The following PCDHGA4 variants were observed in gnomAD, a reference collection of about 807,000 sequenced individuals.
PCDHGA4 encodes the protein protocadherin gamma subfamily A, 4.
Under a neutral mutation model 54.6 loss-of-function variants are expected in PCDHGA4, and 38 were observed. The observed-to-expected ratio is 0.70, with a 90% CI of 0.54 to 0.91. The LOEUF is 0.91. Among genes scored for constraint, PCDHGA4 ranks in the 40% least tolerant of loss-of-function variants. The probability of loss-of-function intolerance (pLI) is 0.00; values close to 1 mark genes in which losing one functional copy is unlikely to be tolerated. For synonymous variants in PCDHGA4, 511 were observed against 512.9 expected (o/e 1.00, Z 0.05); for missense variants, 1,298 against 1,220.9 (o/e 1.06, Z -0.94).
intron 2 of PCDHGA4, among the ~76,000 whole-genome samples, chr5:141,501,719 T>C (rs1024307894): frequency 6.6e-6 from 1 of 152,028 alleles, no homozygotes; most frequent in African/African-American, 2.4e-5. Context: ...AAAAGACAAA[T>C]ATATTACCCA....
At position 141,356,297 on chromosome 5, in the gene PCDHGA4, T is replaced by C; in HGVS notation, c.1190T>C (p.Ile397Thr). Residue 397 changes from isoleucine (I) to threonine (T), a missense_variant, in exon 1 of 4, where the codon ATT (isoleucine) becomes ACT (threonine). Transcript: ENST00000571252. ...GAATCTTCTTCCCCGGGTACAGTAA[T>C]TGCACTTTTCAACGTGCATGACAGT... ...VQESSSPGTVIALFNVHDSDS... is the reference protein window; with the variant it reads ...VQESSSPGTVTALFNVHDSDS... 6.4e-7 allele frequency: 1 copy of C among 1,554,974 alleles called. No individual in the cohort carries two copies. Among genetic ancestry groups the C allele is most frequent in the African/African-American group, 1.4e-5 (1 of 73,288 alleles).
chr5:141,424,956 T>C (rs1435882776), intron 1 of PCDHGA4, among the ~76,000 whole-genome samples: 3 of 152,176 alleles, frequency 2.0e-5, no homozygotes, highest in African/African-American at 7.2e-5. Context: ...TTCTAGGTAT[T>C]TGCCCCAAAT....
At chr5:141,467,924 G>A (rs2099154404) in intron 1 of PCDHGA4, among the ~76,000 whole-genome samples, 1 of 152,042 alleles carries the variant, frequency 6.6e-6, no homozygotes, top group Non-Finnish European at 1.5e-5. Context: ...CTCCCAAAAT[G>A]CTAGGATTAC....
At chr5:141,399,147 C>T (rs2093760764) in intron 1 of PCDHGA4, 1 of 1,613,664 alleles carries the variant, frequency 6.2e-7, no homozygotes. Flanking sequence ...ATGACAATAG[C>T]CCAGAAGTTA....
At chr5:141,395,092 C>CT (rs2093168204) in intron 1 of PCDHGA4, 4 of 1,614,088 alleles carry the variant, frequency 2.5e-6, no homozygotes, top group Non-Finnish European at 3.4e-6. Context: ...GTCTCCCTCA[C>CT]CGCCGACTCG....
At chr5:141,459,137 G>C (rs1336232891) in intron 1 of PCDHGA4, among the ~76,000 whole-genome samples, 1 of 152,190 alleles carries the variant, frequency 6.6e-6, no homozygotes, top group Non-Finnish European at 1.5e-5. Context: ...TAACCACCAT[G>C]CAATCAAAAT....
intron 1 of PCDHGA4, chr5:141,427,307 T>C (rs745903769): frequency 4.4e-6 from 2 of 456,906 alleles, no homozygotes; most frequent in South Asian, 1.5e-5. Flanking sequence ...AGAATGACAA[T>C]GCCCCAGACG....
At chr5:141,374,990 A>G in intron 1 of PCDHGA4, 3 of 1,614,046 alleles carry the variant, frequency 1.9e-6, no homozygotes, top group Non-Finnish European at 2.5e-6. Context: ...AGAAATTTCA[A>G]CTTCTGCAAA....
Position 141,356,507 on chromosome 5 carries a change from C to A in PCDHGA4, c.1400C>A (p.Thr467Asn). The change falls in exon 1 of 4, where the codon ACT becomes AAT. Residue 467 changes from threonine (T) to asparagine (N), a missense_variant. By Grantham distance (65) the Thr-to-Asn change is moderately conservative. Transcript: ENST00000571252. Reference protein sequence around the residue: ...DQGTPPLSTETHISLQVMDIN... With the variant: ...DQGTPPLSTENHISLQVMDIN... ...GGAACTCCTCCACTGTCTACAGAAA[C>A]TCATATTTCACTGCAAGTGATGGAC... The A allele has an allele frequency of 6.2e-7, 1 of 1,614,020 alleles. No individual in the cohort carries two copies. Among genetic ancestry groups the A allele is most frequent in the Non-Finnish European group, 8.5e-7 (1 of 1,179,908 alleles).
intron 1 of PCDHGA4, chr5:141,412,207 C>T (rs529672287): frequency 1.1e-3 from 173 of 152,330 alleles, no homozygotes; most frequent in African/African-American, 4.1e-3. Flanking sequence ...GGTCATTTGA[C>T]ATAAACACTT....
At chr5:141,385,355 G>A in intron 1 of PCDHGA4, 1 of 1,548,228 alleles carries the variant, frequency 6.5e-7, no homozygotes, top group Non-Finnish European at 8.7e-7. Flanking sequence ...TTTCCATGAG[G>A]AATTTATTTG....
chr5:141,392,768 T>C lies in PCDHGA4; in HGVS notation c.2514+35147T>C, dbSNP rs754714050. The C allele has an allele frequency of 1.9e-5, 29 of 1,507,388 alleles. No homozygotes were observed. In the Middle Eastern group the frequency reaches 7.0e-4, roughly 37 times the overall value. 93.4% of individuals were successfully genotyped at this position (1,507,388 alleles called of 1,614,324 possible). On this transcript the variant is annotated intron_variant, in intron 1 of 3. Coordinates refer to ENST00000571252, the MANE Select transcript of PCDHGA4 (RefSeq NM_018917.4). ...GCGGCAAGAAACTAAATAAGACCCA[T>C]TTATGCACAGTGAAGATTCTGAGAG...
intron 1 of PCDHGA4, chr5:141,395,233 G>T: frequency 6.2e-7 from 1 of 1,602,052 alleles, no homozygotes; most frequent in Non-Finnish European, 8.5e-7. Context: ...GCTGATCATG[G>T]TCAGGTGAGT....
chr5:141,419,322 C>T lies in PCDHGA4; in HGVS notation c.2514+61701C>T, dbSNP rs370480327. The stretch of plus-strand genomic sequence containing the variant: ...GACTTCGGGCTCAACGGCCGTGTCT[C>T]CTACTCTCTCATTGCCAGCGACCTG... On this transcript the variant is annotated intron_variant, in intron 1 of 3. Transcript: ENST00000571252. 164 of 1,613,852 alleles carry T rather than the reference C, an allele frequency of 1.0e-4. No individual in the cohort carries two copies. Among genetic ancestry groups the T allele is most frequent in the Non-Finnish European group, 1.3e-4 (153 of 1,179,898 alleles).
intron 1 of PCDHGA4, among the ~76,000 whole-genome samples, chr5:141,454,032 C>T (rs2098780173): frequency 6.6e-6 from 1 of 152,126 alleles, no homozygotes; most frequent in Non-Finnish European, 1.5e-5. Flanking sequence ...AAGAATTGGC[C>T]AGCAAAGATA....
intron 1 of PCDHGA4, chr5:141,370,468 T>C: frequency 6.2e-7 from 1 of 1,613,240 alleles, no homozygotes. Context: ...CTCTCTTTGT[T>C]AGACCAGGCT....
Position 141,405,365 on chromosome 5 carries a change from C to T in PCDHGA4, c.2514+47744C>T, listed in dbSNP as rs773382376. 2.5e-6 allele frequency: 4 copies of T among 1,613,614 alleles called. No homozygotes were observed. The Admixed American group carries it at 5.0e-5, about 20-fold the overall frequency. On this transcript the variant is annotated intron_variant, in intron 1 of 3. Transcript: ENST00000571252. ...TTCCAAGTTTCCTATAGAAGACACC[C>T]CTTTGGTTCCGGTGAGTTCATTTTT...
intron 1 of PCDHGA4, chr5:141,405,445 A>G: frequency 7.3e-7 from 1 of 1,360,898 alleles, no homozygotes; most frequent in Non-Finnish European, 1.0e-6. Context: ...TTTGAGACAG[A>G]GTCTTACTCT....
At chr5:141,452,538 G>T (rs1330051133) in intron 1 of PCDHGA4, among the ~76,000 whole-genome samples, 1 of 152,148 alleles carries the variant, frequency 6.6e-6, no homozygotes, top group Non-Finnish European at 1.5e-5. Flanking sequence ...AGTTCATATT[G>T]ATACCTCCAG....
Sources: allele counts gnomAD v4.1 joint callset (sites outside exome capture counted in the v4.1 genomes callset), GRCh38; gene constraint gnomAD v4.1.1; transcripts MANE v1.5; gene names NCBI Gene and HGNC (gene_info 2026-07-23, HGNC 2026-07-21).